PIP5K1B: variants seen among roughly 807,000 people sequenced by gnomAD.
PIP5K1B encodes phosphatidylinositol-4-phosphate 5-kinase type 1 beta, also known as phosphatidylinositol 4-phosphate 5-kinase type-1 beta.
In PIP5K1B, 42 loss-of-function variants were observed where a neutral mutation model predicts 67.0. The ratio of observed to expected loss-of-function variants is 0.63; its 90% CI spans 0.49 to 0.81. The LOEUF is 0.81. Ranked by LOEUF, PIP5K1B falls within the 30% of genes least tolerant of loss-of-function variation. The pLI is 0.00. For synonymous variants in PIP5K1B, 214 were observed against 231.4 expected, an observed-to-expected ratio of 0.92 and a Z score of 0.68; for missense variants, 459 against 646.3, an observed-to-expected ratio of 0.71 and a Z score of 3.14.
chr9:68,993,759 C>A (rs973784759), intron 15 of PIP5K1B, among the ~76,000 whole-genome samples: 1 of 152,162 alleles, frequency 6.6e-6, no homozygotes, highest in Non-Finnish European at 1.5e-5. Context: ...AGGATTCATG[C>A]CACTTTCATG....
chr9:68,916,032 C>T (rs1826076235), intron 8 of PIP5K1B, among the ~76,000 whole-genome samples: 1 of 152,116 alleles, frequency 6.6e-6, no homozygotes, highest in Non-Finnish European at 1.5e-5. Context: ...TGAACAAGAA[C>T]AAGAAGCACA....
chr9:68,905,495 T>G (rs1825567694), intron 8 of PIP5K1B, among the ~76,000 whole-genome samples: 1 of 152,168 alleles, frequency 6.6e-6, no homozygotes, highest in African/African-American at 2.4e-5. Context: ...CTCCATACCT[T>G]GGGAGGAACT....
intron 8 of PIP5K1B, among the ~76,000 whole-genome samples, chr9:68,914,867 G>T (rs550293035): frequency 2.6e-5 from 4 of 152,302 alleles, no homozygotes; most frequent in Non-Finnish European, 5.9e-5. Flanking sequence ...CTGGTAAGCA[G>T]GCCAGCAATA....
intron 2 of PIP5K1B, among the ~76,000 whole-genome samples, chr9:68,789,944 AT>A (rs1831865396): frequency 1.3e-5 from 2 of 152,132 alleles, no homozygotes; most frequent in Admixed American, 6.5e-5. Context: ...CAAATTTTGG[AT>A]TTTTTTGTTT....
At chr9:68,931,416 T>C (rs1044182103) in intron 12 of PIP5K1B, among the ~76,000 whole-genome samples, 5 of 152,210 alleles carry the variant, frequency 3.3e-5, no homozygotes, top group Non-Finnish European at 7.3e-5. Context: ...AAATATTGAT[T>C]AGTTCCTCCC....
chr9:68,922,305 A>C lies in PIP5K1B; in HGVS notation c.1117-997A>C, dbSNP rs183075386. Among the ~76,000 whole-genome samples, 451 of 152,186 alleles carry C rather than the reference A, an allele frequency of 3.0e-3. 3 individuals are homozygous for C. Among genetic ancestry groups the C allele is most frequent in the African/African-American group, 0.01 (428 of 41,536 alleles). On this transcript the variant is annotated intron_variant, in intron 11 of 15. Transcript: ENST00000265382. ...CATGGTCAAAACCCCTCTACTAAAA[A>C]TACAAAAATTAGCCAAGTGTGGTGG...
intron 2 of PIP5K1B, chr9:68,788,774 C>A: frequency 3.9e-6 from 1 of 259,002 alleles, no homozygotes; most frequent in Non-Finnish European, 8.0e-6. Flanking sequence ...CCATTGCCTG[C>A]TTGGGTCCCA....
intron 6 of PIP5K1B, among the ~76,000 whole-genome samples, chr9:68,877,429 G>A (rs910959666): frequency 3.4e-4 from 52 of 152,250 alleles, no homozygotes; most frequent in African/African-American, 1.2e-3. Flanking sequence ...AAGAAGCCAG[G>A]AACTTTCTGT....
At chr9:68,920,733 TTC>T (rs931597975) in intron 11 of PIP5K1B, among the ~76,000 whole-genome samples, 1 of 150,554 alleles carries the variant, frequency 6.6e-6, no homozygotes, top group Non-Finnish European at 1.5e-5. Context: ...TCTCCCATCT[TTC>T]TCTCTCCTTC....
intron 15 of PIP5K1B, among the ~76,000 whole-genome samples, chr9:68,992,394 C>T (rs1033682914): frequency 6.6e-6 from 1 of 152,148 alleles, no homozygotes; most frequent in Non-Finnish European, 1.5e-5. Context: ...GAATCAGCAC[C>T]GAGTGATGCA....
intron 14 of PIP5K1B, among the ~76,000 whole-genome samples, chr9:68,980,990 A>G (rs185300502): frequency 1.1e-4 from 16 of 152,322 alleles, no homozygotes; most frequent in Admixed American, 5.2e-4. Context: ...GGCAGTATAC[A>G]ATATTTATAT....
intron 8 of PIP5K1B, among the ~76,000 whole-genome samples, chr9:68,915,567 G>A (rs1826053609): frequency 6.6e-6 from 1 of 152,092 alleles, no homozygotes; most frequent in African/African-American, 2.4e-5. Flanking sequence ...AAAGGGTCTG[G>A]TACTCAAGCA....
At chr9:68,794,114 G>A (rs1832154976) in intron 2 of PIP5K1B, among the ~76,000 whole-genome samples, 1 of 152,212 alleles carries the variant, frequency 6.6e-6, no homozygotes, top group Non-Finnish European at 1.5e-5. Flanking sequence ...GAGGTTACAA[G>A]TCACCTGTGT....
chr9:68,911,228 C>G (rs1825828865), intron 8 of PIP5K1B, among the ~76,000 whole-genome samples: 1 of 152,072 alleles, frequency 6.6e-6, no homozygotes. Context: ...ACAAAATTAA[C>G]TGGTCATGGC....
At chr9:68,845,523 A>C (rs2132173730) in intron 4 of PIP5K1B, among the ~76,000 whole-genome samples, 1 of 152,294 alleles carries the variant, frequency 6.6e-6, no homozygotes, top group Middle Eastern at 3.4e-3. Context: ...GGAGAAACAT[A>C]GTAATTTTAA....
chr9:68,780,267 T>A lies in PIP5K1B; in HGVS notation c.-86+37610T>A, dbSNP rs1414650887. ...CGGCGGCGGCGGGGGCCTCAGGAGGTCTAACAGCGCCCCCCTGATCCACGG... is the reference window on the plus strand; with the variant it reads ...CGGCGGCGGCGGGGGCCTCAGGAGGACTAACAGCGCCCCCCTGATCCACGG... On this transcript the variant is annotated intron_variant, in intron 2 of 15. Transcript: ENST00000265382. The A allele has an allele frequency of 3.8e-6, 6 of 1,566,296 alleles. No individual in the cohort carries two copies. The highest frequency in any genetic ancestry group is 1.4e-5 in the African/African-American group (1 of 73,164).
chr9:68,769,876 G>GAA (rs1002202043), intron 2 of PIP5K1B, among the ~76,000 whole-genome samples: 31 of 152,172 alleles, frequency 2.0e-4, no homozygotes, highest in African/African-American at 5.8e-4. Context: ...GTTGGAACTT[G>GAA]AAAAATACTT....
intron 4 of PIP5K1B, among the ~76,000 whole-genome samples, chr9:68,859,918 T>C (rs1250297865): frequency 2.0e-5 from 3 of 152,220 alleles, no homozygotes; most frequent in Admixed American, 2.0e-4. Context: ...ATTTTTTTAA[T>C]TGACAAGTAA....
At chr9:68,932,668 C>T (rs905872976) in intron 12 of PIP5K1B, among the ~76,000 whole-genome samples, 3 of 152,110 alleles carry the variant, frequency 2.0e-5, no homozygotes, top group Non-Finnish European at 4.4e-5. Context: ...AAACTCTACA[C>T]ATATGAGAGA....
Sources: allele counts gnomAD v4.1 joint callset (sites outside exome capture counted in the v4.1 genomes callset), GRCh38; gene constraint gnomAD v4.1.1; transcripts MANE v1.5; gene names NCBI Gene and HGNC (gene_info 2026-07-23, HGNC 2026-07-21).